TNRC18: variants seen among roughly 807,000 people sequenced by gnomAD.
TNRC18 encodes the protein trinucleotide repeat-containing gene 18 protein.
A neutral mutation model predicts 226.7 loss-of-function variants in TNRC18; 69 were observed. The observed-to-expected ratio is 0.30, with a 90% CI of 0.25 to 0.37. The LOEUF (loss-of-function observed/expected upper bound fraction) is 0.37. TNRC18 is among the 10% of genes least tolerant of loss of function. The pLI, the probability that TNRC18 is intolerant of heterozygous loss-of-function variation, is 1.00. For missense variants in TNRC18, 4,754 were observed against 4,256.6 expected (o/e 1.12, Z -3.25); for synonymous variants, 2,449 against 1,927.6 (o/e 1.27, Z -7.09).
chr7:5,403,486 C>T (rs570589393), intron 2 of TNRC18, among the ~76,000 whole-genome samples: 175 of 137,746 alleles, frequency 1.3e-3, no homozygotes, highest in Non-Finnish European at 1.9e-3. Context: ...AACATCTTGA[C>T]CTCTCACAAC....
chr7:5,351,162 C>A (rs966104248), intron 17 of TNRC18, among the ~76,000 whole-genome samples: 1 of 151,852 alleles, frequency 6.6e-6, no homozygotes, highest in Non-Finnish European at 1.5e-5. Context: ...GCAGGCGGCA[C>A]GGTCCCGTCC....
At chr7:5,369,358 A>C (rs1439570983) in intron 11 of TNRC18, among the ~76,000 whole-genome samples, 6 of 152,194 alleles carry the variant, frequency 3.9e-5, no homozygotes, top group African/African-American at 1.2e-4. Flanking sequence ...CAAAAAAAGA[A>C]AAACAACAAC....
chr7:5,311,919 G>C (rs1467686548), intron 27 of TNRC18, among the ~76,000 whole-genome samples: 1 of 151,690 alleles, frequency 6.6e-6, no homozygotes, highest in East Asian at 1.9e-4. Context: ...GATCACTTGA[G>C]GCCAGGAGAG....
chr7:5,365,409 G>A (rs752008445), intron 11 of TNRC18, among the ~76,000 whole-genome samples: 8 of 151,858 alleles, frequency 5.3e-5, no homozygotes, highest in African/African-American at 7.3e-5. Flanking sequence ...CACCGTGTCC[G>A]GCCTCCTATC....
chr7:5,390,667 G>A (rs201686703), intron 3 of TNRC18, 39 bp from the exon 4 acceptor site: 22 of 1,470,914 alleles, frequency 1.5e-5, no homozygotes, highest in African/African-American at 1.3e-4. Flanking sequence ...GGGCCAATTC[G>A]TGCTGCTCAC....
rs1315876231 is a variant in TNRC18 at position 5,332,962 on chromosome 7, A to T, written c.5807T>A (p.Leu1936Gln). 1 of 1,560,216 alleles carries T rather than the reference A, an allele frequency of 6.4e-7. No individual in the cohort carries two copies. Among genetic ancestry groups the T allele is most frequent in the South Asian group, 1.2e-5 (1 of 85,872 alleles). ...GGCCAGGGAGGGTCCCGGCTCCCCC[A>T]GCCCCTTCTTGGGCCGCAGCAGCCC... ...PAGLLRPKKG[L>Q]GEPGPSLAAP... The change falls in exon 19 of 30, where the codon CTG becomes CAG. Residue 1936 changes from leucine to glutamine, a missense_variant. Physicochemically the swap from Leu to Gln is moderately radical, Grantham distance 113. Transcript: ENST00000430969.
rs1788741178 is a variant in TNRC18 at position 5,324,926 on chromosome 7, C to G, written c.6300+170G>C. Among the ~76,000 whole-genome samples the G allele has an allele frequency of 6.6e-6, 1 of 152,188 alleles. No individual in the cohort carries two copies. The highest frequency in any genetic ancestry group is 1.5e-5 in the Non-Finnish European group (1 of 68,022). On this transcript the variant is annotated intron_variant, in intron 20 of 29. Coordinates refer to ENST00000430969, the MANE Select transcript of TNRC18 (RefSeq NM_001080495.3). The surrounding 1 kb of genome is among the most constrained non-coding windows in gnomAD (Gnocchi z 4.8). ...GACAGGAGCAGAGTCCCCAGTATCT[C>G]CTTATCCCTGGAGTGTGGGGACGGC...
In TNRC18 at chr7:5,374,185, GCTGGTGGGGT is replaced by G; in HGVS notation, c.3089_3098del (p.His1030ProfsTer126). ...TGGGCGGTGGGGAGGCGGGCGGCGGGCTGGTGGGGTGGGAGCTGGGGGTGGCGGGGTAGGC... is the reference window on the plus strand; with the variant it reads ...TGGGCGGTGGGGAGGCGGGCGGCGGGGGGAGCTGGGGGTGGCGGGGTAGGC... On this transcript the variant is annotated frameshift_variant, in exon 10 of 30. Coordinates refer to ENST00000430969, the MANE Select transcript of TNRC18 (RefSeq NM_001080495.3). LOFTEE classifies it high-confidence loss of function. The G allele has an allele frequency of 1.5e-6, 2 of 1,353,052 alleles. No homozygotes were observed. Among genetic ancestry groups the G allele is most frequent in the Non-Finnish European group, 9.5e-7 (1 of 1,052,698 alleles). 83.8% of individuals were successfully genotyped at this position (1,353,052 alleles called of 1,614,324 possible). A position where few individuals can be genotyped will look rare whatever the true frequency, so the allele number is the denominator to read the frequency against.
chr7:5,415,863 T>C (rs1029111973), intron 2 of TNRC18, among the ~76,000 whole-genome samples: 5 of 150,902 alleles, frequency 3.3e-5, no homozygotes, highest in African/African-American at 9.7e-5. Flanking sequence ...TCCCAGCACT[T>C]TGGGAGGCCT....
At chr7:5,350,316 G>A (rs756466293) in intron 17 of TNRC18, among the ~76,000 whole-genome samples, 5 of 151,834 alleles carry the variant, frequency 3.3e-5, no homozygotes, top group Non-Finnish European at 5.9e-5. Flanking sequence ...CCGGGGCATC[G>A]TACTCCTCGC....
intron 17 of TNRC18, among the ~76,000 whole-genome samples, chr7:5,351,169 G>T (rs772147467): frequency 6.6e-6 from 1 of 151,970 alleles, no homozygotes; most frequent in Non-Finnish European, 1.5e-5. Context: ...GCACGGTCCC[G>T]TCCCTACTCC....
At chr7:5,356,863 G>T (rs1372709231) in intron 16 of TNRC18, 53 bp downstream of exon 16, 5 of 1,478,996 alleles carry the variant, frequency 3.4e-6, no homozygotes, top group Middle Eastern at 2.1e-4. Context: ...AGAGAAGAGG[G>T]GAGAAAAGGA....
chr7:5,389,640 A>C (rs934057700), intron 4 of TNRC18: 3 of 197,456 alleles, frequency 1.5e-5, no homozygotes, highest in Non-Finnish European at 3.0e-5. Flanking sequence ...TTTTTAATAC[A>C]GGTGGGGTTT....
chr7:5,395,335 C>T (rs1303552150), intron 2 of TNRC18, among the ~76,000 whole-genome samples: 2 of 152,194 alleles, frequency 1.3e-5, no homozygotes, highest in Non-Finnish European at 2.9e-5. Context: ...AGACAGCAGG[C>T]CCCACCCCGG....
chr7:5,375,569 G>C (rs61302714), intron 9 of TNRC18, among the ~76,000 whole-genome samples: 7,906 of 152,236 alleles, frequency 0.052, 231 homozygotes, highest in Middle Eastern at 0.078. Context: ...TACCTGGGCC[G>C]ACTCCTCCAG....
At chr7:5,378,917 G>C (rs958207051) in intron 5 of TNRC18, among the ~76,000 whole-genome samples, 1 of 137,228 alleles carries the variant, frequency 7.3e-6, no homozygotes, top group African/African-American at 2.7e-5. Flanking sequence ...AGGCGAGGTG[G>C]CTCACACCTG....
At chr7:5,331,999 G>A (rs991014857) in intron 19 of TNRC18, among the ~76,000 whole-genome samples, 2 of 152,168 alleles carry the variant, frequency 1.3e-5, no homozygotes, top group African/African-American at 4.8e-5. Context: ...CTAAAGGAAT[G>A]TATAGGTACC....
At position 5,388,976 on chromosome 7, in the gene TNRC18, A is replaced by C; in HGVS notation, c.848T>G (p.Met283Arg). ...NAALQPSVLT[M>R]CNGGAGDVGL... The stretch of plus-strand genomic sequence containing the variant: ...CACGTCCCCGGCGCCGCCGTTGCAC[A>C]TGGTCAGTACCGACGGCTGCAGCGC... The change falls in exon 5 of 30, where the codon ATG becomes AGG. Residue 283 changes from methionine (M) to arginine (R), a missense_variant. Transcript: ENST00000430969. 7.2e-7 allele frequency: 1 copy of C among 1,392,902 alleles called. No individual in the cohort carries two copies. Among genetic ancestry groups the C allele is most frequent in the Non-Finnish European group, 9.4e-7 (1 of 1,067,930 alleles). The allele number at this position is 1,392,902 out of a possible 1,614,324, so 86.3% of individuals were successfully genotyped here.
At chr7:5,344,382 G>A (rs922490462) in intron 18 of TNRC18, among the ~76,000 whole-genome samples, 2 of 152,170 alleles carry the variant, frequency 1.3e-5, no homozygotes, top group Non-Finnish European at 2.9e-5. Flanking sequence ...CAATACCTAA[G>A]AATAGGTAGC....
Sources: allele counts gnomAD v4.1 joint callset (sites outside exome capture counted in the v4.1 genomes callset), GRCh38; gene constraint gnomAD v4.1.1; non-coding constraint Gnocchi (gnomAD v3.1); transcripts MANE v1.5; gene names NCBI Gene and HGNC (gene_info 2026-07-23, HGNC 2026-07-21).